The following VPS13B variants were observed in gnomAD, a reference collection of about 807,000 sequenced individuals.
VPS13B encodes intermembrane lipid transfer protein VPS13B.
Under a neutral mutation model 426.4 loss-of-function variants are expected in VPS13B, and 285 were observed. That is an observed-to-expected ratio of 0.67 (90% confidence interval 0.61 to 0.74). The LOEUF is 0.74. Ranked by LOEUF, VPS13B falls within the 30% of genes least tolerant of loss-of-function variation. The pLI is 0.00. For synonymous variants in VPS13B, 1,676 were observed against 1,676.4 expected (o/e 1.00, Z 0.01); for missense variants, 4,537 against 4,782.6 (o/e 0.95, Z 1.51).
At chr8:99,311,148 G>A (rs1306089125) in intron 19 of VPS13B, among the ~76,000 whole-genome samples, 1 of 152,030 alleles carries the variant, frequency 6.6e-6, no homozygotes, top group Non-Finnish European at 1.5e-5. Flanking sequence ...TTTTTGAAGG[G>A]TGTTTTGTGT....
chr8:99,247,850 C>T (rs976684905), intron 17 of VPS13B, among the ~76,000 whole-genome samples: 3 of 152,094 alleles, frequency 2.0e-5, no homozygotes, highest in Non-Finnish European at 4.4e-5. Flanking sequence ...ATAAGGCAAT[C>T]AGGCAGGTTG....
intron 15 of VPS13B, among the ~76,000 whole-genome samples, chr8:99,158,116 A>G (rs1811456128): frequency 6.6e-6 from 1 of 152,276 alleles, no homozygotes; most frequent in African/African-American, 2.4e-5. Context: ...TATCTAGCTC[A>G]GTTAATTGAT....
At chr8:99,186,877 T>C (rs1479385616) in intron 16 of VPS13B, among the ~76,000 whole-genome samples, 2 of 152,220 alleles carry the variant, frequency 1.3e-5, no homozygotes, top group African/African-American at 2.4e-5. Flanking sequence ...TCTTTCTGAA[T>C]TTGCATGTGT....
intron 39 of VPS13B, among the ~76,000 whole-genome samples, chr8:99,739,747 C>A (rs1475051500): frequency 1.3e-5 from 2 of 152,178 alleles, no homozygotes; most frequent in Non-Finnish European, 2.9e-5. Context: ...TCCAACAGAC[C>A]TGCAGCTGAG....
intron 33 of VPS13B, among the ~76,000 whole-genome samples, chr8:99,596,813 T>C (rs1827040554): frequency 6.6e-6 from 1 of 152,034 alleles, no homozygotes; most frequent in African/African-American, 2.4e-5. Context: ...TGTGCCCTGC[T>C]AAAAATTGTT....
intron 17 of VPS13B, among the ~76,000 whole-genome samples, chr8:99,198,834 T>C (rs1335065273): frequency 6.6e-6 from 1 of 152,144 alleles, no homozygotes; most frequent in African/African-American, 2.4e-5. Context: ...GTCAGTTTTC[T>C]TGTCTTTTTT....
chr8:99,758,481 G>A (rs557879198), intron 39 of VPS13B, among the ~76,000 whole-genome samples: 4 of 152,286 alleles, frequency 2.6e-5, no homozygotes, highest in South Asian at 2.1e-4. Flanking sequence ...GTCTGAGAAC[G>A]TAGAATAAAA....
At chr8:99,454,608 T>G (rs1818355639) in intron 23 of VPS13B, among the ~76,000 whole-genome samples, 1 of 152,170 alleles carries the variant, frequency 6.6e-6, no homozygotes, top group South Asian at 2.1e-4. Context: ...CATCTGCAGG[T>G]TTTTGTGTGA....
chr8:99,148,434 A>G (rs1271561809), intron 14 of VPS13B, among the ~76,000 whole-genome samples: 1 of 152,016 alleles, frequency 6.6e-6, no homozygotes, highest in African/African-American at 2.4e-5. Context: ...AAAGCAATGT[A>G]ACTATGAACT....
chr8:99,818,608 A>C lies in VPS13B; in HGVS notation c.8445+74A>C, dbSNP rs374746144. 3.3e-5 allele frequency: 53 copies of C among 1,604,052 alleles called. 1 individual carries two copies. The African/African-American group carries it at 4.7e-4, about 14-fold the overall frequency. Reference sequence around the variant, plus strand: ...CTGTTCTGAAATAAATTAAGGTCAGAGTGACCCAGGGAAGAGATTTATTAC... The same window carrying C: ...CTGTTCTGAAATAAATTAAGGTCAGCGTGACCCAGGGAAGAGATTTATTAC... On this transcript the variant is annotated intron_variant, in intron 46 of 61. Transcript: ENST00000357162.
intron 17 of VPS13B, among the ~76,000 whole-genome samples, chr8:99,208,880 G>A (rs1322427498): frequency 6.6e-6 from 1 of 152,072 alleles, no homozygotes; most frequent in Non-Finnish European, 1.5e-5. Context: ...ATATTTTACA[G>A]GTTTAAAAGC....
intron 19 of VPS13B, among the ~76,000 whole-genome samples, chr8:99,291,831 T>C (rs1420620711): frequency 2.0e-5 from 3 of 152,142 alleles, no homozygotes; most frequent in African/African-American, 2.4e-5. Context: ...TGTTTTCTTT[T>C]AAATGGTAAT....
chr8:99,515,383 G>T (rs1252082055), intron 29 of VPS13B, among the ~76,000 whole-genome samples: 1 of 151,626 alleles, frequency 6.6e-6, no homozygotes, highest in Non-Finnish European at 1.5e-5. Context: ...TGCTGCTGCT[G>T]CTGCTGCTGC....
At chr8:99,466,047 T>C (rs181096592) in intron 23 of VPS13B, among the ~76,000 whole-genome samples, 101 of 152,270 alleles carry the variant, frequency 6.6e-4, no homozygotes, top group Non-Finnish European at 1.1e-3. Context: ...TCTAAAATAT[T>C]TGTAGTATGA....
At chr8:99,709,615 T>C (rs1832632329) in intron 36 of VPS13B, among the ~76,000 whole-genome samples, 1 of 152,198 alleles carries the variant, frequency 6.6e-6, no homozygotes, top group African/African-American at 2.4e-5. Flanking sequence ...TTGCTAAAAC[T>C]TAAATTTAAA....
chr8:99,663,174 G>A (rs1410925586), intron 35 of VPS13B, among the ~76,000 whole-genome samples: 2 of 152,200 alleles, frequency 1.3e-5, no homozygotes, highest in African/African-American at 4.8e-5. Context: ...ACTTTGTTGA[G>A]TACATGTGTT....
chr8:99,180,881 G>A (rs951115594), intron 16 of VPS13B, among the ~76,000 whole-genome samples: 18 of 152,082 alleles, frequency 1.2e-4, no homozygotes, highest in African/African-American at 4.1e-4. Context: ...AAACAATGTA[G>A]AATTAACCAT....
At chr8:99,056,444 A>G (rs934165850) in intron 3 of VPS13B, among the ~76,000 whole-genome samples, 3 of 152,100 alleles carry the variant, frequency 2.0e-5, no homozygotes, top group Non-Finnish European at 4.4e-5. Flanking sequence ...GGGATTTTCT[A>G]TATATAGAGT....
chr8:99,723,809 A>G (rs144299958), intron 39 of VPS13B, among the ~76,000 whole-genome samples: 102 of 152,274 alleles, frequency 6.7e-4, no homozygotes, highest in Non-Finnish European at 1.2e-3. Flanking sequence ...TGTGGGCAAA[A>G]TTCAAAGACA....
Sources: gnomAD v4.1 joint callset for allele counts (sites outside exome capture counted in the v4.1 genomes callset) on GRCh38, gnomAD v4.1.1 for gene constraint, MANE v1.5 for transcripts, NCBI Gene and HGNC (gene_info 2026-07-23, HGNC 2026-07-21) for gene names.